CNOT1: variants seen among roughly 807,000 people sequenced by gnomAD.
The protein encoded by CNOT1 is CCR4-associated factor 1.
A neutral mutation model predicts 273.8 loss-of-function variants in CNOT1; 15 were observed. That is an observed-to-expected ratio of 0.05 (90% CI 0.04 to 0.08). CNOT1 has a LOEUF of 0.08. CNOT1 is among the 10% of genes least tolerant of loss of function. CNOT1 has a pLI of 1.00. For missense variants in CNOT1, 1,644 were observed against 2,912.2 expected, an observed-to-expected ratio of 0.56 and a Z score of 10.02; for synonymous variants, 1,022 against 1,005.5, an observed-to-expected ratio of 1.02 and a Z score of -0.31.
chr16:58,522,150 T>C (rs1366077762), intron 47 of CNOT1, among the ~76,000 whole-genome samples: 1 of 145,790 alleles, frequency 6.9e-6, no homozygotes, highest in Non-Finnish European at 1.5e-5. Context: ...AAACCCCGTC[T>C]CTACTAAAAA....
chr16:58,526,774 G>A (rs1433163541), intron 44 of CNOT1, among the ~76,000 whole-genome samples: 1 of 141,480 alleles, frequency 7.1e-6, no homozygotes, highest in East Asian at 2.1e-4. Context: ...CACAGCTCGC[G>A]CCATTGCGCT....
In CNOT1 at chr16:58,585,480, C is replaced by G; in HGVS notation, c.664G>C (p.Val222Leu). Reference protein sequence around the residue: ...RDFPQERCPVVLAPLLYPEKR... With the variant: ...RDFPQERCPVLLAPLLYPEKR... ...TCAGGGTATAAAAGTGGTGCGAGCACCACGGGACAGCGTTCTTGGGGAAAA... is the reference window on the plus strand; with the variant it reads ...TCAGGGTATAAAAGTGGTGCGAGCAGCACGGGACAGCGTTCTTGGGGAAAA... Residue 222 changes from valine to leucine, a missense_variant, in exon 8 of 49, where the codon GTG (valine) becomes CTG (leucine). Around this residue, in one of 13 missense-constraint regions of CNOT1, gnomAD observed 706 missense variants for 1,021.2 expected, o/e 0.69. Coordinates refer to ENST00000317147, the MANE Select transcript of CNOT1 (RefSeq NM_016284.5). 6.2e-7 allele frequency: 1 copy of G among 1,613,068 alleles called. No individual in the cohort carries two copies. Among genetic ancestry groups the G allele is most frequent in the Non-Finnish European group, 8.5e-7 (1 of 1,179,900 alleles).
intron 16 of CNOT1, among the ~76,000 whole-genome samples, chr16:58,571,219 G>A (rs755116604): frequency 6.6e-6 from 1 of 152,086 alleles, no homozygotes; most frequent in Non-Finnish European, 1.5e-5. Flanking sequence ...ACTGTTAATA[G>A]AGACAAAGAC....
chr16:58,570,702 G>C (rs916153340), intron 16 of CNOT1, among the ~76,000 whole-genome samples: 25 of 152,022 alleles, frequency 1.6e-4, no homozygotes, highest in Admixed American at 3.3e-4. Flanking sequence ...GACAATAATG[G>C]CAAAAATCAA....
intron 6 of CNOT1, among the ~76,000 whole-genome samples, 183 bp downstream of exon 6, chr16:58,587,018 A>G (rs2041896125): frequency 6.6e-6 from 1 of 152,204 alleles, no homozygotes; most frequent in African/African-American, 2.4e-5. Flanking sequence ...AATTATCCCT[A>G]TGGAACTGTA....
intron 22 of CNOT1, 144 bp downstream of exon 22, chr16:58,553,638 C>G: frequency 9.6e-7 from 1 of 1,036,658 alleles, no homozygotes; most frequent in Non-Finnish European, 1.3e-6. Flanking sequence ...TGAGCAACCT[C>G]AACAAAAGAT....
At position 58,585,403 on chromosome 16, in the gene CNOT1, A is replaced by G. The variant is rs1163722108; in HGVS notation, c.741T>C (p.Ala247=). The change falls in exon 8 of 49, where the codon GCT becomes GCC. Residue 247 remains alanine, a synonymous_variant. Transcript: ENST00000317147. Reference sequence around the variant, plus strand: ...CCAAAGAGCTCTCCATCATGGTTTTAGCTACCCCTCCGGAATCAGGCAGGA... The same window carrying G: ...CCAAAGAGCTCTCCATCATGGTTTTGGCTACCCCTCCGGAATCAGGCAGGA... The part of the protein sequence containing the change: ...DRILPDSGGV[A]KTMMESSLAD... 6.2e-7 allele frequency: 1 copy of G among 1,613,760 alleles called. No individual in the cohort carries two copies. The highest frequency in any genetic ancestry group is 8.5e-7 in the Non-Finnish European group (1 of 1,179,994).
rs2043758043 is a variant in CNOT1 at position 58,629,800 on chromosome 16, T to C, written c.-247A>G. The C allele has an allele frequency of 6.6e-6, 1 of 152,320 alleles. No homozygotes were observed. Among genetic ancestry groups the C allele is most frequent in the Non-Finnish European group, 1.5e-5 (1 of 68,084 alleles). The allele number at this position is 152,320 out of a possible 1,614,324, so 9.4% of individuals were successfully genotyped here. ...GACTCCGGCTCTCCTCGACCCCCTCTTCGGTTAACTCCGCTTGTTTCTCTA... is the reference window on the plus strand; with the variant it reads ...GACTCCGGCTCTCCTCGACCCCCTCCTCGGTTAACTCCGCTTGTTTCTCTA... On this transcript the variant is annotated 5_prime_UTR_variant, in exon 1 of 49. Coordinates refer to ENST00000317147, the MANE Select transcript of CNOT1 (RefSeq NM_016284.5).
In CNOT1 at chr16:58,539,758, A is replaced by C; in HGVS notation, c.4992+10T>G. On this transcript the variant is annotated intron_variant, in intron 35 of 48. Transcript: ENST00000317147. ...TAGCATTTTCTAAAAGTAATAGCTTAAGAACCAACCTTTTGGAGCAATCCA... is the reference window on the plus strand; with the variant it reads ...TAGCATTTTCTAAAAGTAATAGCTTCAGAACCAACCTTTTGGAGCAATCCA... 6.2e-7 allele frequency: 1 copy of C among 1,606,508 alleles called. No homozygotes were observed. The highest frequency in any genetic ancestry group is 8.5e-7 in the Non-Finnish European group (1 of 1,176,278).
chr16:58,545,614 G>GCAGC, intron 29 of CNOT1, 123 bp from the exon 30 acceptor site: 8 of 1,171,016 alleles, frequency 6.8e-6, no homozygotes, highest in African/African-American at 1.6e-5. Context: ...GAGGAGGGAA[G>GCAGC]GATGTAGCAG....
At chr16:58,539,683 A>G in intron 35 of CNOT1, 85 bp downstream of exon 35, 1 of 1,318,556 alleles carries the variant, frequency 7.6e-7, no homozygotes, top group Non-Finnish European at 1.0e-6. Context: ...CTTAAGCATA[A>G]CTGCATAAAT....
chr16:58,563,745 C>A (rs1040725158), intron 16 of CNOT1, among the ~76,000 whole-genome samples: 6 of 152,162 alleles, frequency 3.9e-5, no homozygotes, highest in African/African-American at 1.2e-4. Context: ...ATTAGCAAGG[C>A]TGTGGGGAAA....
chr16:58,574,834 G>A (rs2041404342), intron 15 of CNOT1, 74 bp from the exon 16 acceptor site: 1 of 1,568,128 alleles, frequency 6.4e-7, no homozygotes, highest in African/African-American at 1.4e-5. Context: ...TAACTACTAA[G>A]CACTATAACT....
chr16:58,528,213 G>A (rs1032452777), intron 44 of CNOT1: 6 of 532,270 alleles, frequency 1.1e-5, no homozygotes, highest in South Asian at 1.9e-5. Context: ...CTGTGGTTCT[G>A]TAAATAGAGC....
intron 39 of CNOT1, among the ~76,000 whole-genome samples, chr16:58,536,370 G>A (rs1290155892): frequency 1.3e-5 from 2 of 152,148 alleles, no homozygotes; most frequent in Non-Finnish European, 1.5e-5. Context: ...AATAAAAAAC[G>A]AATGCTAAAT....
At chr16:58,521,692 C>T (rs1336136872) in intron 47 of CNOT1, among the ~76,000 whole-genome samples, 1 of 152,226 alleles carries the variant, frequency 6.6e-6, no homozygotes, top group African/African-American at 2.4e-5. Context: ...GTGGCTCATG[C>T]CTGTAATCCA....
At position 58,547,796 on chromosome 16, in the gene CNOT1, A is replaced by G; in HGVS notation, c.3523-114T>C. The G allele has an allele frequency of 1.0e-6, 1 of 999,896 alleles. No homozygotes were observed. The highest frequency in any genetic ancestry group is 1.4e-6 in the Non-Finnish European group (1 of 706,184). The allele number at this position is 999,896 out of a possible 1,614,324, so 61.9% of individuals were successfully genotyped here. ...TAAAGACAAGTCATCATTTCTAAGA[A>G]CAGGCCCCAAAGTAGAATTACTCTG... On this transcript the variant is annotated intron_variant, in intron 25 of 48. Transcript: ENST00000317147. The surrounding 1 kb of genome is among the most constrained non-coding windows in gnomAD (Gnocchi z 4.0).
intron 16 of CNOT1, among the ~76,000 whole-genome samples, chr16:58,573,009 T>C (rs959908397): frequency 4.7e-5 from 7 of 149,724 alleles, no homozygotes; most frequent in African/African-American, 1.7e-4. Context: ...AAAATATCAC[T>C]GAAAAAAATT....
At chr16:58,620,770 A>T (rs1474668900) in intron 1 of CNOT1, among the ~76,000 whole-genome samples, 1 of 152,024 alleles carries the variant, frequency 6.6e-6, no homozygotes, top group African/African-American at 2.4e-5. Context: ...ATCAACACTT[A>T]TAATTCCAGA....
Sources: gnomAD v4.1 joint callset for allele counts (sites outside exome capture counted in the v4.1 genomes callset) on GRCh38, gnomAD v4.1.1 for gene constraint, gnomAD v4.1.1 regional missense constraint, Gnocchi (gnomAD v3.1) non-coding constraint, MANE v1.5 for transcripts, NCBI Gene and HGNC (gene_info 2026-07-23, HGNC 2026-07-21) for gene names.